CYB5R4: variants seen among roughly 807,000 people sequenced by gnomAD.
The protein encoded by CYB5R4 is cytochrome b5 reductase 4.
Under a neutral mutation model 70.2 loss-of-function variants are expected in CYB5R4, and 55 were observed. The ratio of observed to expected loss-of-function variants is 0.78; its 90% CI spans 0.63 to 0.98. The LOEUF (loss-of-function observed/expected upper bound fraction) is 0.98. CYB5R4 is among the 50% of genes least tolerant of loss of function. The pLI, the probability that CYB5R4 is intolerant of heterozygous loss-of-function variation, is 0.00. For missense variants in CYB5R4, 562 were observed against 612.6 expected, an observed-to-expected ratio of 0.92 and a Z score of 0.87; for synonymous variants, 197 against 199.5, an observed-to-expected ratio of 0.99 and a Z score of 0.11.
At chr6:83,895,702 T>C (rs1428185241) in intron 3 of CYB5R4, among the ~76,000 whole-genome samples, 1 of 152,206 alleles carries the variant, frequency 6.6e-6, no homozygotes. Flanking sequence ...AGAAGTGCTA[T>C]ATTGTTAAGT....
Position 83,859,823 on chromosome 6 carries a change from C to T in CYB5R4, c.41C>T (p.Ser14Leu). The T allele has an allele frequency of 6.2e-7, 1 of 1,613,450 alleles. No homozygotes were observed. The highest frequency in any genetic ancestry group is 8.5e-7 in the Non-Finnish European group (1 of 1,179,844). Residue 14 changes from serine (S) to leucine (L), a missense_variant, in exon 1 of 16, where the codon TCG becomes TTG. Coordinates refer to ENST00000369681, the MANE Select transcript of CYB5R4 (RefSeq NM_016230.4). ...VPSQSFPAPRSQQRVASGGRS... is the reference protein window; with the variant it reads ...VPSQSFPAPRLQQRVASGGRS... Reference sequence around the variant, plus strand: ...TCCCAGTCTTTCCCGGCCCCCAGGTCGCAGCAGCGTGTCGCCTCCGGGGGG... The same window carrying T: ...TCCCAGTCTTTCCCGGCCCCCAGGTTGCAGCAGCGTGTCGCCTCCGGGGGG...
At chr6:83,927,029 G>A (rs2099467395) in intron 10 of CYB5R4, among the ~76,000 whole-genome samples, 1 of 152,006 alleles carries the variant, frequency 6.6e-6, no homozygotes, top group Non-Finnish European at 1.5e-5. Flanking sequence ...TCTCTGCCTT[G>A]TCAGCTCCTA....
At chr6:83,915,099 T>C (rs548694312) in intron 5 of CYB5R4, among the ~76,000 whole-genome samples, 1 of 152,252 alleles carries the variant, frequency 6.6e-6, no homozygotes, top group Non-Finnish European at 1.5e-5. Context: ...CCAAATAGTT[T>C]ATTAATCTAC....
intron 4 of CYB5R4, among the ~76,000 whole-genome samples, chr6:83,912,352 G>A (rs1346132993): frequency 6.6e-6 from 1 of 152,096 alleles, no homozygotes; most frequent in Non-Finnish European, 1.5e-5. Context: ...TGTCAATATC[G>A]CTGTTAAGAT....
At position 83,960,048 on chromosome 6, in the gene CYB5R4, T is replaced by A; in HGVS notation, c.*170T>A. The A allele has an allele frequency of 4.2e-6, 2 of 470,904 alleles. No individual in the cohort carries two copies. The highest frequency in any genetic ancestry group is 7.3e-6 in the Non-Finnish European group (2 of 272,644). The allele number at this position is 470,904 out of a possible 1,614,324, so 29.2% of individuals were successfully genotyped here. A position where few individuals can be genotyped will look rare whatever the true frequency, so the allele number is the denominator to read the frequency against. ...AGTACAGGTAACTTCTTGGCTTTCT[T>A]TTGTACCACAACTTATTTTACTACT... is the stretch of plus-strand genomic sequence containing the variant. On this transcript the variant is annotated 3_prime_UTR_variant, in exon 16 of 16. Coordinates refer to ENST00000369681, the MANE Select transcript of CYB5R4 (RefSeq NM_016230.4).
At chr6:83,922,844 A>G (rs2099466614) in intron 9 of CYB5R4, among the ~76,000 whole-genome samples, 1 of 151,974 alleles carries the variant, frequency 6.6e-6, no homozygotes, top group African/African-American at 2.4e-5. Context: ...GTTGGACTGC[A>G]GCAGTGTGAT....
intron 2 of CYB5R4, among the ~76,000 whole-genome samples, chr6:83,867,747 C>T (rs934007101): frequency 6.6e-6 from 1 of 152,334 alleles, no homozygotes; most frequent in Non-Finnish European, 1.5e-5. Context: ...CACAGCATGA[C>T]TCAGCGGGTT....
At chr6:83,949,961 C>T (rs1248859757) in intron 14 of CYB5R4, among the ~76,000 whole-genome samples, 1 of 152,068 alleles carries the variant, frequency 6.6e-6, no homozygotes, top group Non-Finnish European at 1.5e-5. Flanking sequence ...TTCATTCATT[C>T]GTAAAATATG....
intron 3 of CYB5R4, among the ~76,000 whole-genome samples, chr6:83,903,661 T>G (rs1363235776): frequency 1.3e-5 from 2 of 152,026 alleles, no homozygotes; most frequent in African/African-American, 4.8e-5. Context: ...TCTAGTCCTT[T>G]GTTGTTGCTG....
In CYB5R4 at chr6:83,965,601, CT is replaced by C. The variant is rs1327536231; in HGVS notation, c.*5727del. The C allele has an allele frequency of 1.3e-5, 2 of 152,054 alleles. No individual in the cohort carries two copies. The highest frequency in any genetic ancestry group is 2.9e-5 in the Non-Finnish European group (2 of 68,006). 9.4% of individuals were successfully genotyped at this position (152,054 alleles called of 1,614,324 possible). On this transcript the variant is annotated 3_prime_UTR_variant, in exon 16 of 16. Coordinates refer to ENST00000369681, the MANE Select transcript of CYB5R4 (RefSeq NM_016230.4). ...TCAGATGAGACTTTTGAACTGTGGA[CT>C]TTTGGGTTAATGCTGAAATGATTTA...
intron 3 of CYB5R4, among the ~76,000 whole-genome samples, chr6:83,899,914 C>G (rs1394607918): frequency 4.6e-5 from 7 of 152,034 alleles, no homozygotes; most frequent in Non-Finnish European, 8.8e-5. Context: ...TTCAAAAAAC[C>G]AGCTCCTGGA....
chr6:83,941,108 C>T (rs1204399063), intron 14 of CYB5R4, among the ~76,000 whole-genome samples: 1 of 152,156 alleles, frequency 6.6e-6, no homozygotes, highest in African/African-American at 2.4e-5. Flanking sequence ...CTTCTTCGCT[C>T]TTTCACTAGT....
intron 2 of CYB5R4, among the ~76,000 whole-genome samples, chr6:83,877,385 C>A (rs993871623): frequency 1.3e-5 from 2 of 152,048 alleles, no homozygotes; most frequent in African/African-American, 4.8e-5. Context: ...AAAGGAATGC[C>A]TGAGGCTGGG....
At chr6:83,912,413 A>T (rs887570710) in intron 4 of CYB5R4, among the ~76,000 whole-genome samples, 6 of 152,206 alleles carry the variant, frequency 3.9e-5, no homozygotes, top group African/African-American at 1.4e-4. Flanking sequence ...AGAACTTCCT[A>T]CTGGATCTTT....
At chr6:83,959,039 GA>G (rs564843923) in intron 15 of CYB5R4, among the ~76,000 whole-genome samples, 2 of 152,074 alleles carry the variant, frequency 1.3e-5, no homozygotes, top group South Asian at 2.1e-4. Flanking sequence ...GAATAAAGGG[GA>G]AAAAAATCAA....
intron 6 of CYB5R4, among the ~76,000 whole-genome samples, chr6:83,918,716 A>T (rs1236343612): frequency 6.6e-6 from 1 of 152,060 alleles, no homozygotes; most frequent in Non-Finnish European, 1.5e-5. Flanking sequence ...TTCGTTAATG[A>T]CACTTAAAAT....
At chr6:83,935,866 A>T (rs2099468837) in intron 11 of CYB5R4, among the ~76,000 whole-genome samples, 1 of 151,838 alleles carries the variant, frequency 6.6e-6, no homozygotes, top group South Asian at 2.1e-4. Context: ...GTTTTTTTTT[A>T]CATCTCCATG....
chr6:83,919,338 A>G (rs562124076), intron 6 of CYB5R4, 59 bp from the exon 7 acceptor site: 610 of 899,600 alleles, frequency 6.8e-4, no homozygotes, highest in Non-Finnish European at 9.9e-4. Context: ...AATGATTAAT[A>G]TATGTGAATG....
chr6:83,954,412 A>G (rs1162409069), intron 14 of CYB5R4, among the ~76,000 whole-genome samples: 1 of 152,144 alleles, frequency 6.6e-6, no homozygotes, highest in Non-Finnish European at 1.5e-5. Flanking sequence ...TTTTGGGTTC[A>G]GGGGGTACAT....
Sources: allele counts gnomAD v4.1 joint callset (sites outside exome capture counted in the v4.1 genomes callset), GRCh38; gene constraint gnomAD v4.1.1; transcripts MANE v1.5; gene names NCBI Gene and HGNC (gene_info 2026-07-23, HGNC 2026-07-21).